ARHGAP31: variants seen among roughly 807,000 people sequenced by gnomAD.
The protein encoded by ARHGAP31 is rho GTPase-activating protein 31.
A neutral mutation model predicts 113.9 loss-of-function variants in ARHGAP31; 34 were observed. That is an observed-to-expected ratio of 0.30 (90% CI 0.23 to 0.40). The LOEUF (loss-of-function observed/expected upper bound fraction) is 0.40. Ranked by LOEUF, ARHGAP31 falls within the 10% of genes least tolerant of loss-of-function variation. The pLI is 1.00. For synonymous variants in ARHGAP31, 650 were observed against 684.8 expected (o/e 0.95, Z 0.79); for missense variants, 1,548 against 1,767.1 (o/e 0.88, Z 2.22).
intron 3 of ARHGAP31, among the ~76,000 whole-genome samples, chr3:119,374,927 A>G (rs969578487): frequency 2.6e-5 from 4 of 152,208 alleles, no homozygotes; most frequent in African/African-American, 9.6e-5. Flanking sequence ...TTAAATGGGG[A>G]AAAAAGCAGT....
Position 119,419,239 on chromosome 3 carries a change from G to A in ARHGAP31, c.*2975G>A, listed in dbSNP as rs1476970593. The A allele has an allele frequency of 6.6e-6, 1 of 152,126 alleles. No homozygotes were observed. Among genetic ancestry groups the A allele is most frequent in the Non-Finnish European group, 1.5e-5 (1 of 68,026 alleles). The allele number at this position is 152,126 out of a possible 1,614,324, so 9.4% of individuals were successfully genotyped here. On this transcript the variant is annotated 3_prime_UTR_variant, in exon 12 of 12. Coordinates refer to ENST00000264245, the MANE Select transcript of ARHGAP31 (RefSeq NM_020754.4). ...AAATCAGCTATCAGTCCTCAAAATG[G>A]GGGTTGCTGATGTTAAATGATGGAT...
In ARHGAP31 at chr3:119,420,310, AG is replaced by A. The variant is rs2080810292; in HGVS notation, c.*4048del. ...ATGATTTTAGACATGTCTGGCAGGAAGGTCAGCTCAAAATGTGGCATGACAA... is the reference window on the plus strand; with the variant it reads ...ATGATTTTAGACATGTCTGGCAGGAAGTCAGCTCAAAATGTGGCATGACAA... On this transcript the variant is annotated 3_prime_UTR_variant, in exon 12 of 12. Coordinates refer to ENST00000264245, the MANE Select transcript of ARHGAP31 (RefSeq NM_020754.4). 6.6e-6 allele frequency: 1 copy of A among 152,254 alleles called. No homozygotes were observed. Among genetic ancestry groups the A allele is most frequent in the South Asian group, 2.1e-4 (1 of 4,830 alleles). The allele number at this position is 152,254 out of a possible 1,614,324, so 9.4% of individuals were successfully genotyped here. A position where few individuals can be genotyped will look rare whatever the true frequency, so the allele number is the denominator to read the frequency against.
chr3:119,329,780 G>T (rs1200803251), intron 1 of ARHGAP31: 1 of 984,836 alleles, frequency 1.0e-6, no homozygotes, highest in South Asian at 4.7e-5. Flanking sequence ...AGTGCCCAGT[G>T]AAAGGACAGA....
chr3:119,311,515 G>A (rs573531046), intron 1 of ARHGAP31, among the ~76,000 whole-genome samples: 5 of 152,274 alleles, frequency 3.3e-5, no homozygotes, highest in Admixed American at 2.6e-4. Flanking sequence ...TGCCATATAA[G>A]GTAATATTCA....
intron 10 of ARHGAP31, among the ~76,000 whole-genome samples, chr3:119,405,190 T>G (rs1342203019): frequency 2.0e-5 from 3 of 152,084 alleles, no homozygotes; most frequent in Non-Finnish European, 4.4e-5. Context: ...TTTGCCCTAT[T>G]TTTTTTAATC....
Position 119,416,239 on chromosome 3 carries a change from G to A in ARHGAP31, c.4310G>A (p.Gly1437Glu). 6.2e-7 allele frequency: 1 copy of A among 1,614,100 alleles called. No individual in the cohort carries two copies. Among genetic ancestry groups the A allele is most frequent in the Non-Finnish European group, 8.5e-7 (1 of 1,180,036 alleles). ...QPQRRSVILD[G>E]RSGRQIE ...CAGCGGAGATCAGTAATTCTGGATG[G>A]AAGAAGTGGGAGGCAAATAGAATGA... Residue 1437 changes from glycine to glutamate, a missense_variant, in exon 12 of 12, where the codon GGA (glycine) becomes GAA (glutamate). Gly to Glu is a moderately conservative substitution (Grantham distance 98, BLOSUM62 -2). Coordinates refer to ENST00000264245, the MANE Select transcript of ARHGAP31 (RefSeq NM_020754.4).
Position 119,380,975 on chromosome 3 carries a change from A to G in ARHGAP31, c.420A>G (p.Pro140=), listed in dbSNP as rs767724642. 4 of 1,614,106 alleles carry G rather than the reference A, an allele frequency of 2.5e-6. No homozygotes were observed. Among genetic ancestry groups the G allele is most frequent in the African/African-American group, 1.3e-5 (1 of 75,056 alleles). Reference sequence around the variant, plus strand: ...AAAATGTTATCCAGGAGCTTCCTCCATCCCACTATAGGTAAGAATGGTTGG... The same window carrying G: ...AAAATGTTATCCAGGAGCTTCCTCCGTCCCACTATAGGTAAGAATGGTTGG... ...RIQNVIQELP[P]SHYRTLEYLI... Residue 140 remains proline (P), a synonymous_variant, in exon 4 of 12, where the codon CCA becomes CCG. Coordinates refer to ENST00000264245, the MANE Select transcript of ARHGAP31 (RefSeq NM_020754.4).
intron 1 of ARHGAP31, among the ~76,000 whole-genome samples, chr3:119,363,776 T>A (rs1040053537): frequency 6.6e-6 from 1 of 152,200 alleles, no homozygotes; most frequent in Admixed American, 6.5e-5. Flanking sequence ...ATTGATGTAA[T>A]CTACAGCATT....
chr3:119,313,176 TAA>T (rs1231713340), intron 1 of ARHGAP31, among the ~76,000 whole-genome samples: 1 of 152,204 alleles, frequency 6.6e-6, no homozygotes, highest in East Asian at 1.9e-4. Flanking sequence ...TAAAAGACTC[TAA>T]AGAGTATAGT....
At position 119,415,642 on chromosome 3, in the gene ARHGAP31, C is replaced by T. The variant is rs1326002724; in HGVS notation, c.3713C>T (p.Ser1238Leu). ...PLERSQEGPS[S>L]TSGTTQKPAK... ...GAGAGGAGCCAGGAGGGACCCAGCT[C>T]AACCAGTGGGACCACTCAGAAACCT... Residue 1238 changes from serine to leucine, a missense_variant, in exon 12 of 12, where the codon TCA (serine) becomes TTA (leucine). Physicochemically the swap from Ser to Leu is moderately radical, Grantham distance 145. Coordinates refer to ENST00000264245, the MANE Select transcript of ARHGAP31 (RefSeq NM_020754.4). 11 of 1,614,062 alleles carry T rather than the reference C, an allele frequency of 6.8e-6. No homozygotes were observed. The highest frequency in any genetic ancestry group is 1.6e-4 in the Middle Eastern group (1 of 6,084).
intron 5 of ARHGAP31, 29 bp downstream of exon 5, chr3:119,382,428 A>C (rs2080409356): frequency 5.6e-6 from 9 of 1,594,350 alleles, no homozygotes; most frequent in Non-Finnish European, 7.7e-6. Context: ...CCTTGTCACC[A>C]GCCCAGGGGG....
chr3:119,299,297 A>T (rs2079560602), intron 1 of ARHGAP31, among the ~76,000 whole-genome samples: 1 of 152,272 alleles, frequency 6.6e-6, no homozygotes, highest in South Asian at 2.1e-4. Context: ...AAGCGGCCTT[A>T]GCCATTCAGA....
rs193272834 is a variant in ARHGAP31, at chr3:119,389,752, T to C, written c.683-1033T>C. ...AGTCCTCCACCAAAAGTAATTTCAA[T>C]TGGTCTAAATTATCCTTGAGTCTTT... On this transcript the variant is annotated intron_variant, in intron 6 of 11. Transcript: ENST00000264245. Among the ~76,000 whole-genome samples, 397 of 152,356 alleles carry C rather than the reference T, an allele frequency of 2.6e-3. 2 individuals are homozygous for C. Among genetic ancestry groups the C allele is most frequent in the African/African-American group, 9.1e-3 (377 of 41,580 alleles).
chr3:119,347,015 C>T (rs2080065175), intron 1 of ARHGAP31, among the ~76,000 whole-genome samples: 3 of 152,040 alleles, frequency 2.0e-5, no homozygotes, highest in South Asian at 4.1e-4. Flanking sequence ...ACTTGGGGGC[C>T]GGGATGGTGT....
chr3:119,354,636 C>T (rs1038658044), intron 1 of ARHGAP31, among the ~76,000 whole-genome samples: 10 of 150,956 alleles, frequency 6.6e-5, no homozygotes, highest in South Asian at 2.1e-4. Flanking sequence ...CTCAGCCTCC[C>T]GAGTAGCTGG....
chr3:119,409,432 T>A lies in ARHGAP31; in HGVS notation c.1646-64T>A, dbSNP rs556556903. Reference sequence around the variant, plus strand: ...GGGCCAGGAGACAGGACAGTGACTGTGTTGGGAAGAGTCTCTCTTGAAATG... The same window carrying A: ...GGGCCAGGAGACAGGACAGTGACTGAGTTGGGAAGAGTCTCTCTTGAAATG... On this transcript the variant is annotated intron_variant, in intron 10 of 11. Coordinates refer to ENST00000264245, the MANE Select transcript of ARHGAP31 (RefSeq NM_020754.4). 8.3e-5 allele frequency: 132 copies of A among 1,585,284 alleles called. 2 individuals carry two copies. In the South Asian group the frequency reaches 1.4e-3, roughly 16 times the overall value.
At position 119,409,770 on chromosome 3, in the gene ARHGAP31, T is replaced by C; in HGVS notation, c.1920T>C (p.His640=). 6.2e-7 allele frequency: 1 copy of C among 1,601,232 alleles called. No individual in the cohort carries two copies. Among genetic ancestry groups the C allele is most frequent in the Non-Finnish European group, 8.5e-7 (1 of 1,174,284 alleles). The change falls in exon 11 of 12, where the codon CAT becomes CAC. Residue 640 remains histidine, a synonymous_variant. Transcript: ENST00000264245. The part of the protein sequence containing the change: ...PRARAEAVLL[H]EMDEDDLANA... The stretch of plus-strand genomic sequence containing the variant: ...CCAGAGCCGAAGCTGTGCTTCTCCA[T>C]GAGATGGTAAAGTGCATTCTCCACC...
Position 119,414,740 on chromosome 3 carries a change from C to T in ARHGAP31, c.2811C>T (p.His937=), listed in dbSNP as rs1029960572. The change falls in exon 12 of 12, where the codon CAC becomes CAT. Residue 937 remains histidine (H), a synonymous_variant. Transcript: ENST00000264245. ...HKAQVQGLQG[H]QLEKRLSHRP... is the part of the protein sequence containing the mutation. ...CCCAGGTACAGGGCCTTCAGGGTCACCAGTTGGAGAAGAGGCTTTCCCACA... is the reference window on the plus strand; with the variant it reads ...CCCAGGTACAGGGCCTTCAGGGTCATCAGTTGGAGAAGAGGCTTTCCCACA... 2.5e-6 allele frequency: 4 copies of T among 1,614,074 alleles called. No homozygotes were observed. In the African/African-American group the frequency reaches 4.0e-5, roughly 16 times the overall value.
chr3:119,332,685 G>A (rs78420130), intron 1 of ARHGAP31, among the ~76,000 whole-genome samples: 2,586 of 130,488 alleles, frequency 0.02, 32 homozygotes, highest in East Asian at 0.071. Context: ...ACGCATGCAC[G>A]CACGACTTTC....
Sources: allele counts gnomAD v4.1 joint callset (sites outside exome capture counted in the v4.1 genomes callset), GRCh38; gene constraint gnomAD v4.1.1; transcripts MANE v1.5; gene names NCBI Gene and HGNC (gene_info 2026-07-23, HGNC 2026-07-21).